The following FNDC1 variants were observed in gnomAD, a reference collection of about 807,000 sequenced individuals.
FNDC1 encodes the protein fibronectin type III domain containing 1, also known as fibronectin type III domain-containing protein 1.
FNDC1 carries 96 observed loss-of-function variants against 168.0 expected under a neutral mutation model. That is an observed-to-expected ratio of 0.57 (90% CI 0.48 to 0.68). The LOEUF (loss-of-function observed/expected upper bound fraction) is 0.68. Among genes scored for constraint, FNDC1 ranks in the 30% least tolerant of loss-of-function variants. The pLI is 0.00. For missense variants in FNDC1, 2,587 were observed against 2,482.1 expected (o/e 1.04, Z -0.90); for synonymous variants, 1,099 against 1,025.9 (o/e 1.07, Z -1.36).
At chr6:159,172,277 A>G (rs889552821) in intron 1 of FNDC1, among the ~76,000 whole-genome samples, 3 of 152,194 alleles carry the variant, frequency 2.0e-5, no homozygotes, top group African/African-American at 7.2e-5. Context: ...GGTTTTTTAA[A>G]ATGGAATGTG....
At chr6:159,255,047 C>T (rs1415930419) in intron 17 of FNDC1, among the ~76,000 whole-genome samples, 1 of 152,198 alleles carries the variant, frequency 6.6e-6, no homozygotes, top group African/African-American at 2.4e-5. Context: ...ACTCCCACAC[C>T]CAATCCATTC....
chr6:159,206,315 C>A (rs888209333), intron 4 of FNDC1, among the ~76,000 whole-genome samples: 1 of 152,252 alleles, frequency 6.6e-6, no homozygotes, highest in African/African-American at 2.4e-5. Flanking sequence ...CTGTCTGTGA[C>A]ATTACTTTCA....
At chr6:159,253,637 T>C (rs759011171) in intron 17 of FNDC1, among the ~76,000 whole-genome samples, 1 of 152,340 alleles carries the variant, frequency 6.6e-6, no homozygotes, top group East Asian at 1.9e-4. Flanking sequence ...TTAGGAGTGA[T>C]TCTGTAGGAA....
intron 4 of FNDC1, among the ~76,000 whole-genome samples, chr6:159,204,602 C>T (rs1238967539): frequency 1.3e-5 from 2 of 152,184 alleles, no homozygotes; most frequent in Admixed American, 6.5e-5. Flanking sequence ...GGTCTGCCCC[C>T]GTCATTTCAG....
intron 17 of FNDC1, among the ~76,000 whole-genome samples, chr6:159,255,426 G>T (rs181796338): frequency 2.6e-5 from 4 of 152,052 alleles, no homozygotes; most frequent in Non-Finnish European, 5.9e-5. Flanking sequence ...GCCAGCTCCC[G>T]CTACACACCC....
intron 5 of FNDC1, among the ~76,000 whole-genome samples, chr6:159,217,682 A>G (rs1236234979): frequency 6.6e-6 from 1 of 152,162 alleles, no homozygotes. Context: ...GTGTGTTTAC[A>G]TGGTCTCCAC....
rs1782684685 is a variant in FNDC1, at chr6:159,215,133, C to T, written c.649C>T (p.His217Tyr). 1 of 1,613,712 alleles carries T rather than the reference C, an allele frequency of 6.2e-7. No individual in the cohort carries two copies. Among genetic ancestry groups the T allele is most frequent in the Non-Finnish European group, 8.5e-7 (1 of 1,179,620 alleles). ...YVPLTRDERT[H>Y]EIKKLASESV... ...TCCACTGACAAGAGATGAACGGACA[C>T]ACGAAATTAAAAAGCTAGGTGAGTT... Residue 217 changes from histidine to tyrosine, a missense_variant, in exon 5 of 23, where the codon CAC becomes TAC. Coordinates refer to ENST00000297267, the MANE Select transcript of FNDC1 (RefSeq NM_032532.3).
In FNDC1 at chr6:159,271,499, C is replaced by G. The variant is rs979553409; in HGVS notation, c.*57C>G. On this transcript the variant is annotated 3_prime_UTR_variant, in exon 23 of 23. Transcript: ENST00000297267. The stretch of plus-strand genomic sequence containing the variant: ...GCCCAGCCCCACCAACTAAGTCGCA[C>G]TAGGGGCTGTGAGCAAAGACAGCCA... 1.3e-5 allele frequency: 17 copies of G among 1,355,172 alleles called. No homozygotes were observed. The highest frequency in any genetic ancestry group is 1.4e-5 in the African/African-American group (1 of 69,218). 83.9% of individuals were successfully genotyped at this position (1,355,172 alleles called of 1,614,324 possible). A position where few individuals can be genotyped will look rare whatever the true frequency, so the allele number is the denominator to read the frequency against.
chr6:159,239,985 A>G, intron 14 of FNDC1, 28 bp downstream of exon 14: 1 of 1,458,104 alleles, frequency 6.9e-7, no homozygotes, highest in Admixed American at 2.7e-5. Flanking sequence ...AATGCTAACT[A>G]CTTACCAGGC....
intron 18 of FNDC1, among the ~76,000 whole-genome samples, chr6:159,258,933 C>T (rs556050364): frequency 6.6e-6 from 1 of 152,302 alleles, no homozygotes; most frequent in East Asian, 1.9e-4. Flanking sequence ...AAAGAGGGGC[C>T]AGGGCATAAA....
chr6:159,255,513 C>A (rs294891), intron 17 of FNDC1, among the ~76,000 whole-genome samples: 95,976 of 151,958 alleles, frequency 0.63, 31,855 homozygotes, highest in Middle Eastern at 0.75. Flanking sequence ...CACCCTGCGG[C>A]TTCATGAGCT....
At chr6:159,219,911 G>A (rs753092024) in intron 5 of FNDC1, among the ~76,000 whole-genome samples, 26 of 152,118 alleles carry the variant, frequency 1.7e-4, no homozygotes, top group African/African-American at 2.9e-4. Context: ...TACTTCTGGC[G>A]AGATTCCATT....
Position 159,260,851 on chromosome 6 carries a change from G to A in FNDC1, c.5175-339G>A, listed in dbSNP as rs543160504. Among the ~76,000 whole-genome samples the A allele has an allele frequency of 1.2e-4, 18 of 152,340 alleles. No homozygotes were observed. The East Asian group carries it at 3.5e-3, about 29-fold the overall frequency. Reference sequence around the variant, plus strand: ...AACCTGAGCAAGAGCAGGGCTAGAGGAACGTCTCACCAGGGATGAGCTCAG... The same window carrying A: ...AACCTGAGCAAGAGCAGGGCTAGAGAAACGTCTCACCAGGGATGAGCTCAG... On this transcript the variant is annotated intron_variant, in intron 18 of 22. Coordinates refer to ENST00000297267, the MANE Select transcript of FNDC1 (RefSeq NM_032532.3).
Position 159,251,541 on chromosome 6 carries a change from T to A in FNDC1, c.5065+9T>A. 1 of 1,608,770 alleles carries A rather than the reference T, an allele frequency of 6.2e-7. No homozygotes were observed. The highest frequency in any genetic ancestry group is 8.5e-7 in the Non-Finnish European group (1 of 1,176,568). On this transcript the variant is annotated intron_variant, in intron 17 of 22. Coordinates refer to ENST00000297267, the MANE Select transcript of FNDC1 (RefSeq NM_032532.3). ...AGGAGATGTGGTCACAGGTGTGTCC[T>A]AAGCAGAAATCAGAGTTCCCATGAT...
Position 159,233,494 on chromosome 6 carries a change from A to C in FNDC1, c.2982A>C (p.Arg994Ser). 6.2e-7 allele frequency: 1 copy of C among 1,604,384 alleles called. No individual in the cohort carries two copies. Reference sequence around the variant, plus strand: ...CACAGCAGCATCCCAGTGTTCCCAGAAGGATGACACCCGGCCGGGCCCCAC... The same window carrying C: ...CACAGCAGCATCCCAGTGTTCCCAGCAGGATGACACCCGGCCGGGCCCCAC... ...ARSQQHPSVP[R>S]RMTPGRAPQQ... Residue 994 changes from arginine to serine, a missense_variant, in exon 11 of 23, where the codon AGA becomes AGC. Physicochemically the swap from Arg to Ser is moderately radical, Grantham distance 110. Transcript: ENST00000297267. The surrounding 1 kb of genome is among the most constrained non-coding windows in gnomAD (Gnocchi z 4.6).
At chr6:159,229,477 T>G (rs1334174176) in intron 9 of FNDC1, among the ~76,000 whole-genome samples, 1 of 152,216 alleles carries the variant, frequency 6.6e-6, no homozygotes, top group Non-Finnish European at 1.5e-5. Context: ...GACATATCAA[T>G]CATAGCAAAT....
intron 1 of FNDC1, among the ~76,000 whole-genome samples, chr6:159,193,560 A>T (rs1291252542): frequency 6.6e-6 from 1 of 152,162 alleles, no homozygotes; most frequent in Admixed American, 6.5e-5. Flanking sequence ...CCCTGCAGAT[A>T]TTGGTCAGGT....
intron 17 of FNDC1, among the ~76,000 whole-genome samples, chr6:159,254,531 C>G (rs1465424790): frequency 1.3e-5 from 2 of 152,020 alleles, no homozygotes; most frequent in African/African-American, 4.8e-5. Flanking sequence ...CATGGTGAAA[C>G]TCTGTCTCTA....
At chr6:159,259,311 G>T (rs188662706) in intron 18 of FNDC1, among the ~76,000 whole-genome samples, 22 of 152,242 alleles carry the variant, frequency 1.4e-4, no homozygotes, top group African/African-American at 5.3e-4. Context: ...GCTTAGGTGA[G>T]GTTTTAATGG....
Sources: allele counts gnomAD v4.1 joint callset (sites outside exome capture counted in the v4.1 genomes callset), GRCh38; gene constraint gnomAD v4.1.1; non-coding constraint Gnocchi (gnomAD v3.1); transcripts MANE v1.5; gene names NCBI Gene and HGNC (gene_info 2026-07-23, HGNC 2026-07-21).